The following MERTK variants were observed in gnomAD, a reference collection of about 807,000 sequenced individuals.
The protein encoded by MERTK is MER proto-oncogene, tyrosine kinase.
A neutral mutation model predicts 99.3 loss-of-function variants in MERTK; 69 were observed. That is an observed-to-expected ratio of 0.70 (90% confidence interval 0.57 to 0.85). The LOEUF (loss-of-function observed/expected upper bound fraction) is 0.85, where lower values mean the gene tolerates loss of function less well. Among genes scored for constraint, MERTK ranks in the 40% least tolerant of loss-of-function variants. The probability of loss-of-function intolerance (pLI) is 0.00; values close to 1 mark genes in which losing one functional copy is unlikely to be tolerated. For missense variants in MERTK, 1,125 were observed against 1,249.4 expected (o/e 0.90, Z 1.50); for synonymous variants, 426 against 467.6 (o/e 0.91, Z 1.15).
chr2:111,976,762 TTAA>T (rs1471077884), intron 7 of MERTK, among the ~76,000 whole-genome samples: 2 of 151,578 alleles, frequency 1.3e-5, no homozygotes, highest in African/African-American at 2.4e-5. Flanking sequence ...ATTTTTAATA[TTAA>T]TATTTTTATG....
At chr2:112,028,216 GTC>G in intron 18 of MERTK, 133 bp from the exon 19 acceptor site, 2 of 985,956 alleles carry the variant, frequency 2.0e-6, no homozygotes, top group East Asian at 5.2e-5. Flanking sequence ...CACCAAAAAA[GTC>G]TCAATAATTT....
At chr2:112,010,590 G>A (rs950533120) in intron 15 of MERTK, among the ~76,000 whole-genome samples, 9 of 152,210 alleles carry the variant, frequency 5.9e-5, no homozygotes, top group Non-Finnish European at 1.0e-4. Flanking sequence ...GGATGTAGCT[G>A]TAGAGGCAGT....
Position 112,021,436 on chromosome 2 carries a change from T to C in MERTK, c.2204T>C (p.Met735Thr), listed in dbSNP as rs150046180. The C allele has an allele frequency of 1.7e-5, 28 of 1,613,470 alleles. No homozygotes were observed. The African/African-American group carries it at 3.7e-4, about 22-fold the overall frequency. The change falls in exon 17 of 19, where the codon ATG becomes ACG. Residue 735 changes from methionine (M) to threonine (T), a missense_variant. Transcript: ENST00000295408. ...AARNCMLRDD[M>T]TVCVADFGLS... ...GCTCTCTGTAGGTTGCGAGATGACATGACTGTCTGTGTTGCGGACTTCGGC... is the reference window on the plus strand; with the variant it reads ...GCTCTCTGTAGGTTGCGAGATGACACGACTGTCTGTGTTGCGGACTTCGGC...
At chr2:111,926,477 C>T (rs1684569420) in intron 1 of MERTK, among the ~76,000 whole-genome samples, 1 of 152,044 alleles carries the variant, frequency 6.6e-6, no homozygotes, top group Non-Finnish European at 1.5e-5. Flanking sequence ...GCCTGTAATC[C>T]CAGCACTTTG....
chr2:111,903,639 A>G (rs1684085262), intron 1 of MERTK, among the ~76,000 whole-genome samples: 1 of 152,164 alleles, frequency 6.6e-6, no homozygotes, highest in South Asian at 2.1e-4. Flanking sequence ...GAGATTAATT[A>G]TTATAAAAAC....
chr2:111,934,469 AC>A (rs1216922579), intron 2 of MERTK, among the ~76,000 whole-genome samples: 1 of 152,188 alleles, frequency 6.6e-6, no homozygotes, highest in African/African-American at 2.4e-5. Context: ...TTCTCCAATG[AC>A]CAATAATGAT....
chr2:111,916,726 G>C (rs550218109), intron 1 of MERTK, among the ~76,000 whole-genome samples: 15 of 152,172 alleles, frequency 9.9e-5, no homozygotes, highest in African/African-American at 3.6e-4. Flanking sequence ...ATTTCATTCT[G>C]CTTGAGATCA....
intron 4 of MERTK, among the ~76,000 whole-genome samples, chr2:111,960,026 A>T (rs1302650145): frequency 6.6e-6 from 1 of 152,220 alleles, no homozygotes; most frequent in Non-Finnish European, 1.5e-5. Flanking sequence ...TGAGATAATG[A>T]GAATTAAAAG....
intron 6 of MERTK, among the ~76,000 whole-genome samples, chr2:111,969,970 C>T (rs375947792): frequency 9.2e-5 from 14 of 151,998 alleles, no homozygotes; most frequent in African/African-American, 2.9e-4. Context: ...GGATTACAGG[C>T]GTGAGCCACC....
chr2:111,902,614 C>T (rs1476536305), intron 1 of MERTK, among the ~76,000 whole-genome samples: 2 of 152,108 alleles, frequency 1.3e-5, no homozygotes, highest in African/African-American at 4.8e-5. Flanking sequence ...AAGATCTCGG[C>T]ATGCTGGCTT....
At chr2:111,968,745 T>C (rs1009129927) in intron 6 of MERTK, among the ~76,000 whole-genome samples, 1 of 152,044 alleles carries the variant, frequency 6.6e-6, no homozygotes. Context: ...GTCAGGCTGG[T>C]CTCAAACTCC....
chr2:111,948,557 C>T (rs1685000230), intron 4 of MERTK, among the ~76,000 whole-genome samples: 1 of 152,134 alleles, frequency 6.6e-6, no homozygotes. Context: ...CTCTTAACCC[C>T]AGACTTGTTC....
chr2:111,964,039 C>CTTTTTTTTTTTTTTTTTTT (rs1553451938), intron 4 of MERTK, among the ~76,000 whole-genome samples: 2 of 40,482 alleles, frequency 4.9e-5, no homozygotes, highest in African/African-American at 1.8e-4. Flanking sequence ...CAAAAATTTT[C>CTTTTTTTTTTTTTTTTTTT]TTTCTTTTTT....
chr2:112,016,410 G>T (rs1677216654), intron 15 of MERTK, among the ~76,000 whole-genome samples: 1 of 152,208 alleles, frequency 6.6e-6, no homozygotes, highest in South Asian at 2.1e-4. Flanking sequence ...AAGACACAAA[G>T]TGCATAGACA....
At chr2:111,972,214 A>G (rs1224818235) in intron 6 of MERTK, among the ~76,000 whole-genome samples, 1 of 152,096 alleles carries the variant, frequency 6.6e-6, no homozygotes, top group African/African-American at 2.4e-5. Context: ...TGTTTTTAGT[A>G]GAGATGTAGT....
intron 5 of MERTK, 141 bp from the exon 6 acceptor site, chr2:111,967,996 G>A: frequency 5.7e-6 from 4 of 707,210 alleles, no homozygotes; most frequent in Non-Finnish European, 1.0e-5. Context: ...GGCATAGGGA[G>A]GCTCCTCTTG....
chr2:111,919,375 G>A (rs1684412500), intron 1 of MERTK, among the ~76,000 whole-genome samples: 1 of 151,902 alleles, frequency 6.6e-6, no homozygotes, highest in African/African-American at 2.4e-5. Context: ...AAATCCCAGT[G>A]CCCAAGCTGC....
chr2:111,905,433 CTT>C (rs61232340), intron 1 of MERTK, among the ~76,000 whole-genome samples: 5 of 85,274 alleles, frequency 5.9e-5, no homozygotes, highest in East Asian at 3.5e-4. Flanking sequence ...CTACACTGTT[CTT>C]TTTTTTTTTT....
At chr2:111,976,615 A>G (rs931271202) in intron 7 of MERTK, among the ~76,000 whole-genome samples, 1 of 151,828 alleles carries the variant, frequency 6.6e-6, no homozygotes, top group Non-Finnish European at 1.5e-5. Flanking sequence ...TATACACATA[A>G]AATAACCCAC....
Sources: allele counts gnomAD v4.1 joint callset (sites outside exome capture counted in the v4.1 genomes callset), GRCh38; gene constraint gnomAD v4.1.1; transcripts MANE v1.5; gene names NCBI Gene and HGNC (gene_info 2026-07-23, HGNC 2026-07-21).